PCDHGC3: variants seen among roughly 807,000 people sequenced by gnomAD.
The protein encoded by PCDHGC3 is protocadherin gamma-C3.
Under a neutral mutation model 59.2 loss-of-function variants are expected in PCDHGC3, and 26 were observed. That is an observed-to-expected ratio of 0.44 (90% CI 0.32 to 0.61). The LOEUF is 0.61. Ranked by LOEUF, PCDHGC3 falls within the 20% of genes least tolerant of loss-of-function variation. The probability of loss-of-function intolerance (pLI) is 0.05; values close to 1 mark genes in which losing one functional copy is unlikely to be tolerated. For missense variants in PCDHGC3, 1,080 were observed against 1,221.8 expected, an observed-to-expected ratio of 0.88 and a Z score of 1.73; for synonymous variants, 487 against 519.7, an observed-to-expected ratio of 0.94 and a Z score of 0.86.
In PCDHGC3 at chr5:141,489,461, A is replaced by G. The variant is rs1329676538; in HGVS notation, c.2431-5346A>G. 5.0e-6 allele frequency: 8 copies of G among 1,613,832 alleles called. No homozygotes were observed. The highest frequency in any genetic ancestry group is 6.8e-6 in the Non-Finnish European group (8 of 1,179,986). On this transcript the variant is annotated intron_variant, in intron 1 of 3. Transcript: ENST00000308177. This position sits in a 1 kb window ranked among gnomAD's most constrained non-coding sequence, Gnocchi z 4.5. ...TTGGGCTCTGAGGAGAATGGGCGCT[A>G]TTTTTCCCTGAGCTTGATGAGTGGT...
chr5:141,504,351 G>A (rs77439649), intron 2 of PCDHGC3, among the ~76,000 whole-genome samples: 2 of 152,010 alleles, frequency 1.3e-5, no homozygotes, highest in African/African-American at 4.8e-5. Context: ...CTTTGTGCTA[G>A]GTGCTTCAGT....
chr5:141,476,509 C>G lies in PCDHGC3; in HGVS notation c.393C>G (p.Asn131Lys). 6.2e-7 allele frequency: 1 copy of G among 1,614,144 alleles called. No individual in the cohort carries two copies. Among genetic ancestry groups the G allele is most frequent in the Non-Finnish European group, 8.5e-7 (1 of 1,180,022 alleles). ...TGGTGATCCAGGACATCAACGACAACAATCCTGCTTTCCCTACCCAGGAAA... is the reference window on the plus strand; with the variant it reads ...TGGTGATCCAGGACATCAACGACAAGAATCCTGCTTTCCCTACCCAGGAAA... ...VEVVIQDIND[N>K]NPAFPTQEMK... Residue 131 changes from asparagine (N) to lysine (K), a missense_variant, in exon 1 of 4, where the codon AAC (asparagine) becomes AAG (lysine). By Grantham distance (94) the Asn-to-Lys change is moderately conservative. Transcript: ENST00000308177. This position sits in a 1 kb window ranked among gnomAD's most constrained non-coding sequence, Gnocchi z 7.6.
rs774630488 is a variant in PCDHGC3 at position 141,490,640 on chromosome 5, G to A, written c.2431-4167G>A. On this transcript the variant is annotated intron_variant, in intron 1 of 3. Transcript: ENST00000308177. The surrounding 1 kb of genome is among the most constrained non-coding windows in gnomAD (Gnocchi z 5.4). Reference sequence around the variant, plus strand: ...TACACTGCTTACATCCTAGAAAACCGGCCTCCGGGCTCCCTTCTTTGCACT... The same window carrying A: ...TACACTGCTTACATCCTAGAAAACCAGCCTCCGGGCTCCCTTCTTTGCACT... 2.6e-5 allele frequency: 42 copies of A among 1,614,004 alleles called. No individual in the cohort carries two copies. The highest frequency in any genetic ancestry group is 1.6e-4 in the Middle Eastern group (1 of 6,084).
chr5:141,477,168 A>C lies in PCDHGC3; in HGVS notation c.1052A>C (p.Glu351Ala), dbSNP rs763187246. 1 of 1,614,210 alleles carries C rather than the reference A, an allele frequency of 6.2e-7. No homozygotes were observed. The highest frequency in any genetic ancestry group is 8.5e-7 in the Non-Finnish European group (1 of 1,180,040). Residue 351 changes from glutamate to alanine, a missense_variant, in exon 1 of 4, where the codon GAG becomes GCG. Transcript: ENST00000308177. This position sits in a 1 kb window ranked among gnomAD's most constrained non-coding sequence, Gnocchi z 4.9. ...EVVDVNDNAP[E>A]ITVTSVYSPV... ...GTGGATGTGAATGACAACGCCCCGG[A>C]GATCACAGTCACCTCCGTGTACAGC...
At chr5:141,498,881 T>C (rs9686648) in intron 2 of PCDHGC3, among the ~76,000 whole-genome samples, 77,838 of 149,554 alleles carry the variant, frequency 0.52, 20,828 homozygotes, top group African/African-American at 0.65. Flanking sequence ...TGCAGTGAGC[T>C]GAGATCACAC....
intron 1 of PCDHGC3, chr5:141,478,808 T>A: frequency 3.4e-6 from 5 of 1,459,124 alleles, no homozygotes; most frequent in Non-Finnish European, 4.5e-6. Context: ...TCTTTTGCTA[T>A]CACAACTAAC....
chr5:141,509,638 A>G (rs1204228233), intron 3 of PCDHGC3, among the ~76,000 whole-genome samples: 1 of 152,174 alleles, frequency 6.6e-6, no homozygotes, highest in Admixed American at 6.5e-5. Flanking sequence ...ATGCTGAGCC[A>G]GGGCCAGAGT....
rs2233613 is a variant in PCDHGC3 at position 141,511,203 on chromosome 5, G to A, written c.*30G>A. 0.14 allele frequency: 222,603 copies of A among 1,611,360 alleles called. 15,640 individuals carry two copies. The highest frequency in any genetic ancestry group is 0.18 in the Admixed American group (10,873 of 59,374). ...GAGGCCAGGCCAAGAGCCACAGGGC[G>A]GCCTCTCCCCAACCAGCCCAGCTTC... On this transcript the variant is annotated 3_prime_UTR_variant, in exon 4 of 4. Transcript: ENST00000308177.
chr5:141,487,477 C>A lies in PCDHGC3; in HGVS notation c.2431-7330C>A, dbSNP rs748435479. On this transcript the variant is annotated intron_variant, in intron 1 of 3. Transcript: ENST00000308177. The surrounding 1 kb of genome is among the most constrained non-coding windows in gnomAD (Gnocchi z 5.0). ...TCAAGTTTGTTGATGTGGGAGGCCA[C>A]TCTCATGGCTGTACACCCTTGGCTT... 1 of 1,614,200 alleles carries A rather than the reference C, an allele frequency of 6.2e-7. No individual in the cohort carries two copies. The highest frequency in any genetic ancestry group is 1.7e-5 in the Admixed American group (1 of 60,030).
intron 3 of PCDHGC3, among the ~76,000 whole-genome samples, chr5:141,510,369 C>G (rs1403924479): frequency 7.1e-6 from 1 of 140,308 alleles, no homozygotes; most frequent in Non-Finnish European, 1.6e-5. Context: ...TACCGAATCT[C>G]TACTCGTGCC....
Position 141,489,585 on chromosome 5 carries a change from G to C in PCDHGC3, c.2431-5222G>C. The C allele has an allele frequency of 6.2e-7, 1 of 1,614,090 alleles. No individual in the cohort carries two copies. On this transcript the variant is annotated intron_variant, in intron 1 of 3. Transcript: ENST00000308177. This position sits in a 1 kb window ranked among gnomAD's most constrained non-coding sequence, Gnocchi z 4.5. ...AGGTGGTGACTGAACACCCCCTGGA[G>C]CTAATCCGTGTAGAGGTAGAGATCC...
intron 1 of PCDHGC3, among the ~76,000 whole-genome samples, chr5:141,482,410 T>G (rs1054330181): frequency 2.3e-4 from 35 of 151,890 alleles, no homozygotes; most frequent in Non-Finnish European, 1.0e-4. Flanking sequence ...AATAACTATT[T>G]GTTGAACTAA....
At position 141,477,210 on chromosome 5, in the gene PCDHGC3, C is replaced by A. The variant is rs780852225; in HGVS notation, c.1094C>A (p.Ala365Asp). Residue 365 changes from alanine to aspartate, a missense_variant, in exon 1 of 4, where the codon GCC (alanine) becomes GAC (aspartate). Physicochemically the swap from Ala to Asp is moderately radical, Grantham distance 126. Transcript: ENST00000308177. This position sits in a 1 kb window ranked among gnomAD's most constrained non-coding sequence, Gnocchi z 4.9. ...GTGTACAGCCCAGTACCCGAGGATG[C>A]CCCTCTGGGGACTGTCATCGCTTTG... ...TSVYSPVPED[A>D]PLGTVIALLS... The A allele has an allele frequency of 6.2e-7, 1 of 1,614,142 alleles. No homozygotes were observed. The highest frequency in any genetic ancestry group is 8.5e-7 in the Non-Finnish European group (1 of 1,180,030).
At position 141,510,839 on chromosome 5, in the gene PCDHGC3, C is replaced by G. The variant is rs186647886; in HGVS notation, c.2579-108C>G. The stretch of plus-strand genomic sequence containing the variant: ...CTATATTCCCAGTGCTCAGCGTGGT[C>G]AAGGCCCAGGGTGCTGTATAGGCAT... On this transcript the variant is annotated intron_variant, in intron 3 of 3. Coordinates refer to ENST00000308177, the MANE Select transcript of PCDHGC3 (RefSeq NM_002588.4). The G allele has an allele frequency of 6.5e-5, 103 of 1,587,108 alleles. No individual in the cohort carries two copies. The East Asian group carries it at 1.6e-3, about 25-fold the overall frequency.
In PCDHGC3 at chr5:141,486,421, G is replaced by C; in HGVS notation, c.2430+7875G>C. 1 of 1,614,152 alleles carries C rather than the reference G, an allele frequency of 6.2e-7. No individual in the cohort carries two copies. Among genetic ancestry groups the C allele is most frequent in the African/African-American group, 1.3e-5 (1 of 75,028 alleles). On this transcript the variant is annotated intron_variant, in intron 1 of 3. Coordinates refer to ENST00000308177, the MANE Select transcript of PCDHGC3 (RefSeq NM_002588.4). This position sits in a 1 kb window ranked among gnomAD's most constrained non-coding sequence, Gnocchi z 5.0. Reference sequence around the variant, plus strand: ...TGACTGCTGGACCCTTGGATCGAGAGGCCAAATCTAGCTATGACATCATGG... The same window carrying C: ...TGACTGCTGGACCCTTGGATCGAGACGCCAAATCTAGCTATGACATCATGG...
Position 141,491,657 on chromosome 5 carries a change from A to T in PCDHGC3, c.2431-3150A>T. 1.2e-6 allele frequency: 2 copies of T among 1,613,740 alleles called. No homozygotes were observed. Among genetic ancestry groups the T allele is most frequent in the Non-Finnish European group, 1.7e-6 (2 of 1,180,006 alleles). On this transcript the variant is annotated intron_variant, in intron 1 of 3. Transcript: ENST00000308177. The surrounding 1 kb of genome is among the most constrained non-coding windows in gnomAD (Gnocchi z 6.9). ...CCCACAGCTCTGGCGCTGGAGCCTG[A>T]CGCCATCCGGTCCCGCTCTAATACG...
At position 141,486,368 on chromosome 5, in the gene PCDHGC3, T is replaced by C. The variant is rs1217513529; in HGVS notation, c.2430+7822T>C. 6.2e-7 allele frequency: 1 copy of C among 1,614,014 alleles called. No homozygotes were observed. Among genetic ancestry groups the C allele is most frequent in the Non-Finnish European group, 8.5e-7 (1 of 1,180,000 alleles). On this transcript the variant is annotated intron_variant, in intron 1 of 3. Coordinates refer to ENST00000308177, the MANE Select transcript of PCDHGC3 (RefSeq NM_002588.4). This position sits in a 1 kb window ranked among gnomAD's most constrained non-coding sequence, Gnocchi z 5.0. ...TGACCACTTGCCATTTGCCCTCAAGTCTGCCTTCAGGAACCAGTTCTCCCT... is the reference window on the plus strand; with the variant it reads ...TGACCACTTGCCATTTGCCCTCAAGCCTGCCTTCAGGAACCAGTTCTCCCT...
At chr5:141,497,479 G>A (rs1028715475) in intron 2 of PCDHGC3, among the ~76,000 whole-genome samples, 5 of 151,886 alleles carry the variant, frequency 3.3e-5, no homozygotes, top group Non-Finnish European at 7.4e-5. Flanking sequence ...GAGAAGGTGC[G>A]GAACCTCTCT....
rs1177814811 is a variant in PCDHGC3 at position 141,511,841 on chromosome 5, CTGTTT to C, written c.*675_*679del. The C allele has an allele frequency of 3.2e-5, 5 of 156,826 alleles. No homozygotes were observed. Among genetic ancestry groups the C allele is most frequent in the African/African-American group, 4.8e-5 (2 of 41,458 alleles). The allele number at this position is 156,826 out of a possible 1,614,324, so 9.7% of individuals were successfully genotyped here. ...TCCCAACGCCCTGGGGACCAGTCTT[CTGTTT>C]TGTTTTTCATTGTTTGACGTTTCCA... On this transcript the variant is annotated 3_prime_UTR_variant, in exon 4 of 4. Coordinates refer to ENST00000308177, the MANE Select transcript of PCDHGC3 (RefSeq NM_002588.4).
Sources: gnomAD v4.1 joint callset for allele counts (sites outside exome capture counted in the v4.1 genomes callset) on GRCh38, gnomAD v4.1.1 for gene constraint, Gnocchi (gnomAD v3.1) non-coding constraint, MANE v1.5 for transcripts, NCBI Gene and HGNC (gene_info 2026-07-23, HGNC 2026-07-21) for gene names.